HSPA4L: variants seen among roughly 807,000 people sequenced by gnomAD.
HSPA4L encodes the protein heat shock 70 kDa protein 4L.
Under a neutral mutation model 100.3 loss-of-function variants are expected in HSPA4L, and 48 were observed. That is an observed-to-expected ratio of 0.48 (90% CI 0.38 to 0.61). The LOEUF (loss-of-function observed/expected upper bound fraction) is 0.61. HSPA4L is among the 20% of genes least tolerant of loss of function. The probability of loss-of-function intolerance (pLI) is 0.00; values close to 1 mark genes in which losing one functional copy is unlikely to be tolerated. For missense variants in HSPA4L, 886 were observed against 988.6 expected (o/e 0.90, Z 1.39); for synonymous variants, 319 against 328.2 (o/e 0.97, Z 0.30).
chr4:127,782,806 C>G (rs1578682460), intron 1 of HSPA4L, 149 bp downstream of exon 1: 1 of 597,460 alleles, frequency 1.7e-6, no homozygotes, highest in East Asian at 3.0e-5. Context: ...AACCGCAGTC[C>G]CTAGAGACCG....
intron 4 of HSPA4L, among the ~76,000 whole-genome samples, chr4:127,800,267 T>G (rs1055233341): frequency 4.6e-5 from 7 of 152,108 alleles, no homozygotes; most frequent in Non-Finnish European, 8.8e-5. Flanking sequence ...CAGACCAGCC[T>G]GGGCAACCAT....
At chr4:127,799,333 G>A (rs554274954) in intron 4 of HSPA4L, among the ~76,000 whole-genome samples, 1 of 152,026 alleles carries the variant, frequency 6.6e-6, no homozygotes, top group East Asian at 1.9e-4. Flanking sequence ...AAAAATATTA[G>A]AGCTTAATAT....
At chr4:127,810,595 T>C (rs1733497993) in intron 11 of HSPA4L, among the ~76,000 whole-genome samples, 1 of 152,040 alleles carries the variant, frequency 6.6e-6, no homozygotes, top group Non-Finnish European at 1.5e-5. Flanking sequence ...TAATCTGTAC[T>C]AAAAATCAGA....
intron 1 of HSPA4L, among the ~76,000 whole-genome samples, chr4:127,786,551 G>C (rs1334114566): frequency 6.6e-6 from 1 of 152,154 alleles, no homozygotes; most frequent in Non-Finnish European, 1.5e-5. Flanking sequence ...CTGCAGCCTT[G>C]AGTTCCTGGG....
intron 1 of HSPA4L, among the ~76,000 whole-genome samples, chr4:127,782,953 T>C (rs1430829183): frequency 6.6e-6 from 1 of 152,074 alleles, no homozygotes; most frequent in Admixed American, 6.6e-5. Context: ...CAACGCCTCT[T>C]TTGCTTGCGA....
intron 6 of HSPA4L, among the ~76,000 whole-genome samples, chr4:127,803,001 A>G (rs1227185060): frequency 3.3e-5 from 5 of 152,146 alleles, no homozygotes; most frequent in Admixed American, 6.5e-5. Flanking sequence ...GTTTGGTCCT[A>G]TGTTTTCAAG....
Position 127,833,871 on chromosome 4 carries a change from G to A in HSPA4L, c.*997G>A, listed in dbSNP as rs1330704772. 1 of 152,180 alleles carries A rather than the reference G, an allele frequency of 6.6e-6. No homozygotes were observed. Among genetic ancestry groups the A allele is most frequent in the East Asian group, 1.9e-4 (1 of 5,190 alleles). The allele number at this position is 152,180 out of a possible 1,614,324, so 9.4% of individuals were successfully genotyped here. A position where few individuals can be genotyped will look rare whatever the true frequency, so the allele number is the denominator to read the frequency against. On this transcript the variant is annotated 3_prime_UTR_variant, in exon 19 of 19. Coordinates refer to ENST00000296464, the MANE Select transcript of HSPA4L (RefSeq NM_014278.4). ...CTATTAAGTGGTAATACTTGAAAAG[G>A]AGCACTTATACCATAAGTCTTAGGA...
chr4:127,804,017 A>G lies in HSPA4L; in HGVS notation c.915A>G (p.Gln305=). The G allele has an allele frequency of 2.5e-6, 4 of 1,614,034 alleles. No individual in the cohort carries two copies. The highest frequency in any genetic ancestry group is 3.4e-6 in the Non-Finnish European group (4 of 1,179,940). ...LDVSSKMNRA[Q]FEQLCASLLA... is the part of the protein sequence containing the mutation. ...TTATTCTATTTTCTCACAGGGCTCA[A>G]TTTGAACAACTGTGTGCTTCCCTTT... Residue 305 remains glutamine, a synonymous_variant, in exon 8 of 19, where the codon CAA becomes CAG. Coordinates refer to ENST00000296464, the MANE Select transcript of HSPA4L (RefSeq NM_014278.4).
At position 127,805,704 on chromosome 4, in the gene HSPA4L, A is replaced by C; in HGVS notation, c.1155A>C (p.Pro385=). ...GCALQCAILS[P]AFKVREFSIT... is the part of the protein sequence containing the mutation. ...ATTTTCAGTGTGCGATTCTCTCACC[A>C]GCATTTAAAGTGCGTGAATTTTCCA... Residue 385 remains proline, a synonymous_variant, in exon 10 of 19, where the codon CCA becomes CCC. Coordinates refer to ENST00000296464, the MANE Select transcript of HSPA4L (RefSeq NM_014278.4). The C allele has an allele frequency of 6.2e-7, 1 of 1,611,924 alleles. No individual in the cohort carries two copies. Among genetic ancestry groups the C allele is most frequent in the South Asian group, 1.1e-5 (1 of 90,898 alleles).
intron 1 of HSPA4L, among the ~76,000 whole-genome samples, chr4:127,786,846 A>C (rs546691968): frequency 6.6e-6 from 1 of 152,220 alleles, no homozygotes; most frequent in Admixed American, 6.5e-5. Flanking sequence ...CATACAAAAC[A>C]TATTAGTGTA....
chr4:127,802,782 A>G (rs915585675), intron 6 of HSPA4L, among the ~76,000 whole-genome samples: 1 of 152,166 alleles, frequency 6.6e-6, no homozygotes, highest in Non-Finnish European at 1.5e-5. Flanking sequence ...ACTAGACTTC[A>G]TGAGAGGTCT....
At chr4:127,811,756 G>C in intron 12 of HSPA4L, 120 bp downstream of exon 12, 1 of 711,630 alleles carries the variant, frequency 1.4e-6, no homozygotes, top group East Asian at 2.7e-5. Context: ...TTGATTTTCT[G>C]CTGTGGGAAT....
At chr4:127,789,918 A>G (rs944675943) in intron 1 of HSPA4L, among the ~76,000 whole-genome samples, 13 of 152,150 alleles carry the variant, frequency 8.5e-5, no homozygotes, top group South Asian at 2.1e-4. Context: ...TTTTTATTTC[A>G]TGATTGTAAC....
chr4:127,829,505 T>C (rs1734027535), intron 17 of HSPA4L, among the ~76,000 whole-genome samples: 1 of 152,008 alleles, frequency 6.6e-6, no homozygotes, highest in Non-Finnish European at 1.5e-5. Flanking sequence ...AGCCAAGAAT[T>C]GGTTAGATTT....
Position 127,805,821 on chromosome 4 carries a change from A to T in HSPA4L, c.1244+28A>T, listed in dbSNP as rs376474359. 3.4e-5 allele frequency: 49 copies of T among 1,442,874 alleles called. 1 individual carries two copies. The highest frequency in any genetic ancestry group is 3.5e-4 in the Middle Eastern group (2 of 5,738). The allele number at this position is 1,442,874 out of a possible 1,614,324, so 89.4% of individuals were successfully genotyped here. The stretch of plus-strand genomic sequence containing the variant: ...AAGTTATTTTTAAAACCTTGATTAG[A>T]GCTTGTCATAAATCTTTACCCAGTT... On this transcript the variant is annotated intron_variant, in intron 10 of 18. Coordinates refer to ENST00000296464, the MANE Select transcript of HSPA4L (RefSeq NM_014278.4).
chr4:127,794,096 T>C lies in HSPA4L; in HGVS notation c.127T>C (p.Ser43Pro), dbSNP rs151278136. 2.3e-4 allele frequency: 370 copies of C among 1,610,480 alleles called. 1 individual carries two copies. The African/African-American group carries it at 4.2e-3, about 18-fold the overall frequency. ...GTTTAGGGCCTGTATATCATTGGGA[T>C]CAAGAACTCGAGCCATTGGAAATGC... is the stretch of plus-strand genomic sequence containing the variant. Reference protein sequence around the residue: ...RCTPACISLGSRTRAIGNAAK... With the variant: ...RCTPACISLGPRTRAIGNAAK... The change falls in exon 2 of 19, where the codon TCA becomes CCA. Residue 43 changes from serine to proline, a missense_variant. By Grantham distance (74) the Ser-to-Pro change is moderately conservative. Coordinates refer to ENST00000296464, the MANE Select transcript of HSPA4L (RefSeq NM_014278.4).
At chr4:127,789,441 T>C (rs1732809026) in intron 1 of HSPA4L, among the ~76,000 whole-genome samples, 1 of 151,844 alleles carries the variant, frequency 6.6e-6, no homozygotes, top group Non-Finnish European at 1.5e-5. Flanking sequence ...GGTCAGGAGA[T>C]CAAGACCATC....
chr4:127,815,350 T>G (rs907522279), intron 12 of HSPA4L, among the ~76,000 whole-genome samples: 2 of 152,100 alleles, frequency 1.3e-5, no homozygotes, highest in Non-Finnish European at 2.9e-5. Context: ...GAATACTTAT[T>G]AAGAAATTAC....
At chr4:127,811,737 G>A in intron 12 of HSPA4L, 101 bp downstream of exon 12, 1 of 865,058 alleles carries the variant, frequency 1.2e-6, no homozygotes, top group Non-Finnish European at 1.7e-6. Context: ...TACTCTCTGA[G>A]GTTTTGCTTT....
Sources: gnomAD v4.1 joint callset for allele counts (sites outside exome capture counted in the v4.1 genomes callset) on GRCh38, gnomAD v4.1.1 for gene constraint, MANE v1.5 for transcripts, NCBI Gene and HGNC (gene_info 2026-07-23, HGNC 2026-07-21) for gene names.